KIF26B: variants seen among roughly 807,000 people sequenced by gnomAD.
KIF26B encodes the protein kinesin family member 26B.
KIF26B carries 63 observed loss-of-function variants against 151.2 expected under a neutral mutation model. The ratio of observed to expected loss-of-function variants is 0.42; its 90% CI spans 0.34 to 0.51. The LOEUF is 0.51. Among genes scored for constraint, KIF26B ranks in the 20% least tolerant of loss-of-function variants. The pLI, the probability that KIF26B is intolerant of heterozygous loss-of-function variation, is 0.07. For synonymous variants in KIF26B, 1,357 were observed against 1,262.1 expected (o/e 1.08, Z -1.59); for missense variants, 2,813 against 2,913.6 (o/e 0.97, Z 0.79).
At chr1:245,534,548 A>T (rs1001586372) in intron 4 of KIF26B, among the ~76,000 whole-genome samples, 1 of 152,176 alleles carries the variant, frequency 6.6e-6, no homozygotes, top group Non-Finnish European at 1.5e-5. Flanking sequence ...ACAGATAATT[A>T]TATGAAGCTA....
At position 245,650,139 on chromosome 1, in the gene KIF26B, G is replaced by A. The variant is rs147367608; in HGVS notation, c.2258+3859G>A. Among the ~76,000 whole-genome samples the A allele has an allele frequency of 4.9e-4, 75 of 152,278 alleles. No homozygotes were observed. The South Asian group carries it at 0.015, about 30-fold the overall frequency. ...AGACCACCAAGGGCTCCAACCCCTCGTCAGTTCTGCACTGACAGGCTGCAC... is the reference window on the plus strand; with the variant it reads ...AGACCACCAAGGGCTCCAACCCCTCATCAGTTCTGCACTGACAGGCTGCAC... On this transcript the variant is annotated intron_variant, in intron 10 of 14. Coordinates refer to ENST00000407071, the MANE Select transcript of KIF26B (RefSeq NM_018012.4).
intron 3 of KIF26B, among the ~76,000 whole-genome samples, chr1:245,377,867 C>T (rs563658611): frequency 3.9e-5 from 6 of 152,182 alleles, no homozygotes; most frequent in South Asian, 2.1e-4. Flanking sequence ...GAGGGAGGGA[C>T]GTGTCATACC....
chr1:245,230,740 T>C (rs1264189087), intron 2 of KIF26B, among the ~76,000 whole-genome samples: 2 of 139,076 alleles, frequency 1.4e-5, no homozygotes, highest in Admixed American at 1.5e-4. Context: ...CGAAACTTCA[T>C]GTAAAAAAAA....
At chr1:245,407,748 T>G (rs866490899) in intron 3 of KIF26B, among the ~76,000 whole-genome samples, 1 of 152,302 alleles carries the variant, frequency 6.6e-6, no homozygotes. Flanking sequence ...ATTAATGTAT[T>G]TATTAGATAA....
intron 4 of KIF26B, among the ~76,000 whole-genome samples, chr1:245,475,530 G>T (rs1660016224): frequency 6.6e-6 from 1 of 151,864 alleles, no homozygotes; most frequent in South Asian, 2.1e-4. Flanking sequence ...CTGGGCGACA[G>T]AGCCAGACTC....
Position 245,166,636 on chromosome 1 carries a change from T to C in KIF26B, c.465+9953T>C, listed in dbSNP as rs1668619270. ...GGGAGAGCAGATTTCCTCCAGTGAC[T>C]GCGCATGCGATGTGCAGATCTGAGC... On this transcript the variant is annotated intron_variant, in intron 2 of 14. Coordinates refer to ENST00000407071, the MANE Select transcript of KIF26B (RefSeq NM_018012.4). The surrounding 1 kb of genome is among the most constrained non-coding windows in gnomAD (Gnocchi z 4.5). 6.6e-6 allele frequency among the ~76,000 whole-genome samples: 1 copy of C among 152,218 alleles called. No homozygotes were observed. Among genetic ancestry groups the C allele is most frequent in the Non-Finnish European group, 1.5e-5 (1 of 68,048 alleles).
At chr1:245,388,346 T>C (rs1673603403) in intron 3 of KIF26B, among the ~76,000 whole-genome samples, 1 of 152,198 alleles carries the variant, frequency 6.6e-6, no homozygotes, top group Admixed American at 6.5e-5. Flanking sequence ...TATTTTTCCT[T>C]TGATGAAAAG....
At chr1:245,520,957 G>A (rs978436363) in intron 4 of KIF26B, among the ~76,000 whole-genome samples, 6 of 152,156 alleles carry the variant, frequency 3.9e-5, no homozygotes, top group African/African-American at 1.4e-4. Flanking sequence ...GTGTATTTTA[G>A]TTGGTGTGGA....
intron 4 of KIF26B, among the ~76,000 whole-genome samples, chr1:245,421,628 C>T (rs932779627): frequency 3.3e-5 from 5 of 152,102 alleles, no homozygotes; most frequent in African/African-American, 4.8e-5. Flanking sequence ...TGGAGTCTTC[C>T]GTTCAGTTCC....
At chr1:245,511,391 G>T (rs1043666388) in intron 4 of KIF26B, among the ~76,000 whole-genome samples, 2 of 152,082 alleles carry the variant, frequency 1.3e-5, no homozygotes. Flanking sequence ...GAATGAAATG[G>T]GTAATAAATG....
At chr1:245,648,582 T>G (rs2043978553) in intron 10 of KIF26B, among the ~76,000 whole-genome samples, 1 of 151,540 alleles carries the variant, frequency 6.6e-6, no homozygotes, top group Admixed American at 6.6e-5. Context: ...CTGCAGTGAG[T>G]TGAGATTGCG....
chr1:245,561,330 G>A (rs1194938753), intron 5 of KIF26B, among the ~76,000 whole-genome samples: 1 of 152,202 alleles, frequency 6.6e-6, no homozygotes, highest in Non-Finnish European at 1.5e-5. Context: ...CATTTGGTGT[G>A]TGTACCTCCC....
chr1:245,504,567 G>A (rs1660691043), intron 4 of KIF26B, among the ~76,000 whole-genome samples: 1 of 151,926 alleles, frequency 6.6e-6, no homozygotes, highest in Non-Finnish European at 1.5e-5. Context: ...TCCTGCTTCA[G>A]TAGCTGGGAC....
At chr1:245,661,454 G>C (rs1379174432) in intron 10 of KIF26B, among the ~76,000 whole-genome samples, 1 of 151,786 alleles carries the variant, frequency 6.6e-6, no homozygotes, top group Admixed American at 6.6e-5. Context: ...TTCTGAGGAC[G>C]CTGAGGAATG....
chr1:245,165,860 G>A (rs866223621), intron 2 of KIF26B, among the ~76,000 whole-genome samples: 4 of 152,180 alleles, frequency 2.6e-5, no homozygotes, highest in Non-Finnish European at 4.4e-5. Flanking sequence ...GTCTTTGTTG[G>A]AAGAATTTCT....
intron 2 of KIF26B, among the ~76,000 whole-genome samples, chr1:245,281,053 C>T (rs1324786322): frequency 6.7e-5 from 2 of 29,982 alleles, no homozygotes; most frequent in African/African-American, 2.0e-4. Context: ...TGAATAATGC[C>T]GCAATAAACA....
intron 2 of KIF26B, among the ~76,000 whole-genome samples, chr1:245,165,562 C>CGGCAT (rs1322992223): frequency 2.0e-5 from 3 of 152,088 alleles, no homozygotes; most frequent in Non-Finnish European, 2.9e-5. Context: ...AATCCACAGA[C>CGGCAT]GGCATGAGCT....
chr1:245,201,272 A>G (rs1307405461), intron 2 of KIF26B, among the ~76,000 whole-genome samples: 1 of 152,250 alleles, frequency 6.6e-6, no homozygotes, highest in African/African-American at 2.4e-5. Flanking sequence ...ATTTTGAAAT[A>G]ACATAGCAGT....
chr1:245,331,468 G>C (rs1672114307), intron 2 of KIF26B, among the ~76,000 whole-genome samples: 1 of 152,194 alleles, frequency 6.6e-6, no homozygotes, highest in South Asian at 2.1e-4. Context: ...AAGGAAATTT[G>C]AGGTACCCAC....
Sources: gnomAD v4.1 joint callset for allele counts (sites outside exome capture counted in the v4.1 genomes callset) on GRCh38, gnomAD v4.1.1 for gene constraint, Gnocchi (gnomAD v3.1) non-coding constraint, MANE v1.5 for transcripts, NCBI Gene and HGNC (gene_info 2026-07-23, HGNC 2026-07-21) for gene names.